The following ANKS1B variants were observed in gnomAD, a reference collection of about 807,000 sequenced individuals.
ANKS1B encodes the protein ankyrin repeat and sterile alpha motif domain containing 1B.
ANKS1B carries 36 observed loss-of-function variants against 148.3 expected under a neutral mutation model. The observed-to-expected ratio is 0.24, with a 90% CI of 0.19 to 0.32. ANKS1B has a LOEUF of 0.32. ANKS1B is among the 10% of genes least tolerant of loss of function. ANKS1B has a pLI of 1.00. For missense variants in ANKS1B, 1,157 were observed against 1,542.6 expected (o/e 0.75, Z 4.19); for synonymous variants, 542 against 560.8 (o/e 0.97, Z 0.47).
At chr12:98,954,728 T>G (rs1236504356) in intron 17 of ANKS1B, among the ~76,000 whole-genome samples, 1 of 152,160 alleles carries the variant, frequency 6.6e-6, no homozygotes, top group Non-Finnish European at 1.5e-5. Context: ...TCCACTAGCC[T>G]AGGTTCTTAA....
chr12:99,213,450 G>C (rs753662388), intron 14 of ANKS1B, among the ~76,000 whole-genome samples: 1 of 152,212 alleles, frequency 6.6e-6, no homozygotes, highest in African/African-American at 2.4e-5. Context: ...CACTGGGGAA[G>C]AGTAGAAACC....
intron 9 of ANKS1B, among the ~76,000 whole-genome samples, chr12:99,634,476 T>C (rs2098211515): frequency 6.6e-6 from 1 of 152,172 alleles, no homozygotes; most frequent in African/African-American, 2.4e-5. Flanking sequence ...TTTCAAGTGT[T>C]CTGATATAAA....
chr12:99,437,505 C>T (rs1332552738), intron 11 of ANKS1B, among the ~76,000 whole-genome samples: 2 of 151,834 alleles, frequency 1.3e-5, no homozygotes, highest in African/African-American at 2.4e-5. Context: ...CCAAAATAGC[C>T]TCTTTTTCTG....
chr12:99,003,126 C>T (rs1323780486), intron 17 of ANKS1B, among the ~76,000 whole-genome samples: 2 of 152,156 alleles, frequency 1.3e-5, no homozygotes, highest in Non-Finnish European at 1.5e-5. Flanking sequence ...GCACCCTTGT[C>T]AAAGATCAAT....
intron 1 of ANKS1B, among the ~76,000 whole-genome samples, chr12:99,972,375 T>C (rs1566114999): frequency 2.6e-5 from 4 of 152,090 alleles, no homozygotes; most frequent in Non-Finnish European, 1.5e-5. Flanking sequence ...ATGAAGGAAA[T>C]GAAAAGTGCT....
chr12:99,015,882 A>G (rs1485726048), intron 17 of ANKS1B, among the ~76,000 whole-genome samples: 1 of 152,026 alleles, frequency 6.6e-6, no homozygotes, highest in Admixed American at 6.5e-5. Flanking sequence ...AAAAACAAAA[A>G]ACAAACAAAA....
chr12:99,685,827 C>T (rs1395836729), intron 8 of ANKS1B, among the ~76,000 whole-genome samples: 1 of 151,932 alleles, frequency 6.6e-6, no homozygotes, highest in Non-Finnish European at 1.5e-5. Context: ...TAATGGAATT[C>T]ACAGCAACCT....
chr12:99,649,483 A>C, intron 9 of ANKS1B: 1 of 1,093,532 alleles, frequency 9.1e-7, no homozygotes, highest in Non-Finnish European at 1.4e-6. Context: ...ATGAAGGGGC[A>C]GGGTAGCAAC....
At chr12:99,807,115 G>T (rs913097559) in intron 3 of ANKS1B, among the ~76,000 whole-genome samples, 1 of 152,126 alleles carries the variant, frequency 6.6e-6, no homozygotes, top group African/African-American at 2.4e-5. Context: ...AGATAAGAAG[G>T]TAAATTCTTG....
chr12:99,117,587 G>C (rs922195156), intron 15 of ANKS1B, among the ~76,000 whole-genome samples: 97 of 152,184 alleles, frequency 6.4e-4, no homozygotes, highest in African/African-American at 2.2e-3. Flanking sequence ...TGTGCTGCTG[G>C]ATTCAGTTTG....
chr12:99,792,153 G>C (rs1251881262), intron 4 of ANKS1B, among the ~76,000 whole-genome samples: 1 of 151,798 alleles, frequency 6.6e-6, no homozygotes, highest in Non-Finnish European at 1.5e-5. Flanking sequence ...AGAAGAAATG[G>C]ATAAATTCCT....
intron 7 of ANKS1B, among the ~76,000 whole-genome samples, chr12:99,773,592 A>G (rs2063389225): frequency 6.6e-6 from 1 of 152,148 alleles, no homozygotes. Context: ...AAAGAAACAA[A>G]CAATATGCAT....
intron 19 of ANKS1B, among the ~76,000 whole-genome samples, chr12:98,809,061 A>G (rs1314235067): frequency 6.6e-6 from 1 of 152,128 alleles, no homozygotes; most frequent in Non-Finnish European, 1.5e-5. Flanking sequence ...TCTAGTTACA[A>G]CTGCATCTCC....
chr12:99,194,583 CCAAT>C (rs1443200175), intron 14 of ANKS1B, among the ~76,000 whole-genome samples: 4 of 152,000 alleles, frequency 2.6e-5, no homozygotes, highest in African/African-American at 9.7e-5. Context: ...TCTTAAGAGG[CCAAT>C]CAACCATTTG....
rs532212623 is a variant in ANKS1B, at chr12:99,154,563, G to A, written c.2420-168C>T. The A allele has an allele frequency of 2.8e-5, 43 of 1,535,076 alleles. No individual in the cohort carries two copies. The African/African-American group carries it at 5.5e-4, about 20-fold the overall frequency. On this transcript the variant is annotated intron_variant, in intron 14 of 26. Coordinates refer to ENST00000683438, the MANE Select transcript of ANKS1B (RefSeq NM_001352186.2). ...TTAATGTTCTCAGCGAGAGAGCAAA[G>A]TCAGAAGTAAAACATAGTTTGCCAG...
intron 8 of ANKS1B, among the ~76,000 whole-genome samples, chr12:99,661,365 G>C (rs1025640735): frequency 6.6e-6 from 1 of 152,176 alleles, no homozygotes; most frequent in African/African-American, 2.4e-5. Context: ...ATACAGCTTA[G>C]AAGGTATATA....
chr12:99,122,895 AC>A (rs1297442766), intron 15 of ANKS1B, among the ~76,000 whole-genome samples: 1 of 151,750 alleles, frequency 6.6e-6, no homozygotes, highest in East Asian at 1.9e-4. Flanking sequence ...TGCCAAGGCG[AC>A]TTGTTCATTC....
chr12:98,749,138 G>A (rs545708851), intron 26 of ANKS1B, among the ~76,000 whole-genome samples: 4 of 151,746 alleles, frequency 2.6e-5, no homozygotes, highest in Non-Finnish European at 5.9e-5. Flanking sequence ...CTGCTCTGTC[G>A]CCCAGGCTGG....
At chr12:99,054,915 T>C (rs2099968599) in intron 16 of ANKS1B, among the ~76,000 whole-genome samples, 1 of 152,262 alleles carries the variant, frequency 6.6e-6, no homozygotes, top group Non-Finnish European at 1.5e-5. Flanking sequence ...TTGGTCAGAC[T>C]TTTGTACTTC....
Sources: allele counts gnomAD v4.1 joint callset (sites outside exome capture counted in the v4.1 genomes callset), GRCh38; gene constraint gnomAD v4.1.1; transcripts MANE v1.5; gene names NCBI Gene and HGNC (gene_info 2026-07-23, HGNC 2026-07-21).